Variants in XKR4 observed in about 807,000 individuals in gnomAD.
The protein encoded by XKR4 is XK-related protein 4.
Under a neutral mutation model 53.9 loss-of-function variants are expected in XKR4, and 12 were observed. The ratio of observed to expected loss-of-function variants is 0.22; its 90% CI spans 0.14 to 0.36. The LOEUF (loss-of-function observed/expected upper bound fraction) is 0.36, where lower values mean the gene tolerates loss of function less well. Ranked by LOEUF, XKR4 falls within the 10% of genes least tolerant of loss-of-function variation. The probability of loss-of-function intolerance (pLI) is 1.00; values close to 1 mark genes in which losing one functional copy is unlikely to be tolerated. For missense variants in XKR4, 799 were observed against 859.5 expected (o/e 0.93, Z 0.88); for synonymous variants, 354 against 362.4 (o/e 0.98, Z 0.26).
chr8:55,539,478 T>C lies in XKR4; in HGVS notation c.*15251T>C, dbSNP rs966708667. On this transcript the variant is annotated 3_prime_UTR_variant, in exon 3 of 3. Transcript: ENST00000327381. ...CTGGATTCTAAAATCTAATTGGCAGTGATATTTCAAAGCCTTAACATTTCA... is the reference window on the plus strand; with the variant it reads ...CTGGATTCTAAAATCTAATTGGCAGCGATATTTCAAAGCCTTAACATTTCA... 6.6e-6 allele frequency: 1 copy of C among 152,184 alleles called. No individual in the cohort carries two copies. The highest frequency in any genetic ancestry group is 2.4e-5 in the African/African-American group (1 of 41,430). The allele number at this position is 152,184 out of a possible 1,614,324, so 9.4% of individuals were successfully genotyped here. A position where few individuals can be genotyped will look rare whatever the true frequency, so the allele number is the denominator to read the frequency against.
intron 2 of XKR4, among the ~76,000 whole-genome samples, chr8:55,511,138 A>G (rs1363489791): frequency 6.6e-6 from 1 of 152,160 alleles, no homozygotes; most frequent in Non-Finnish European, 1.5e-5. Context: ...AGGGGGTGGG[A>G]CGCTGGAAAA....
At chr8:55,478,527 A>G (rs1806040855) in intron 2 of XKR4, among the ~76,000 whole-genome samples, 1 of 152,144 alleles carries the variant, frequency 6.6e-6, no homozygotes, top group African/African-American at 2.4e-5. Context: ...TCATAATGAC[A>G]GGACCAACTC....
intron 2 of XKR4, among the ~76,000 whole-genome samples, chr8:55,409,837 G>A (rs989592661): frequency 2.0e-5 from 3 of 152,162 alleles, no homozygotes; most frequent in African/African-American, 7.2e-5. Context: ...AAAGAACAGA[G>A]GGTAAGGAAA....
chr8:55,125,707 A>G (rs1037278359), intron 1 of XKR4, among the ~76,000 whole-genome samples: 2 of 151,516 alleles, frequency 1.3e-5, no homozygotes, highest in Admixed American at 1.3e-4. Context: ...TTACCAATTA[A>G]TAAGAAAAAA....
intron 2 of XKR4, among the ~76,000 whole-genome samples, chr8:55,383,352 G>T (rs7817893): frequency 0.099 from 15,129 of 152,244 alleles, 1,598 homozygotes; most frequent in African/African-American, 0.26. Context: ...TACATCCCAA[G>T]TCTCATGTGC....
At chr8:55,479,401 T>C (rs1411657727) in intron 2 of XKR4, among the ~76,000 whole-genome samples, 1 of 151,180 alleles carries the variant, frequency 6.6e-6, no homozygotes, top group African/African-American at 2.4e-5. Flanking sequence ...ATCAAAGCAG[T>C]GTGTAGAGGG....
intron 1 of XKR4, among the ~76,000 whole-genome samples, chr8:55,321,973 G>C (rs761747464): frequency 1.4e-4 from 20 of 147,438 alleles, no homozygotes; most frequent in Non-Finnish European, 2.7e-4. Flanking sequence ...TGGTGACAGA[G>C]CGAGACTCCA....
At chr8:55,158,818 T>C (rs1816943861) in intron 1 of XKR4, among the ~76,000 whole-genome samples, 1 of 152,200 alleles carries the variant, frequency 6.6e-6, no homozygotes. Context: ...CTGAGCTCTC[T>C]ATTCTGTTCC....
At chr8:55,452,796 T>C (rs542822376) in intron 2 of XKR4, 5 of 784,108 alleles carry the variant, frequency 6.4e-6, no homozygotes, top group South Asian at 2.7e-5. Context: ...AGCCATGCTG[T>C]TGGGGACCAG....
At chr8:55,364,339 C>T (rs1208260693) in intron 2 of XKR4, among the ~76,000 whole-genome samples, 1 of 152,242 alleles carries the variant, frequency 6.6e-6, no homozygotes, top group Non-Finnish European at 1.5e-5. Context: ...CCCGGGCCCA[C>T]CGCCTCAGCT....
At chr8:55,487,779 ATC>A (rs777770652) in intron 2 of XKR4, among the ~76,000 whole-genome samples, 6 of 152,120 alleles carry the variant, frequency 3.9e-5, no homozygotes, top group Non-Finnish European at 8.8e-5. Context: ...TTACTCCTTA[ATC>A]CAGTCAAAAT....
intron 1 of XKR4, among the ~76,000 whole-genome samples, chr8:55,189,163 A>C (rs1329209937): frequency 6.6e-6 from 1 of 152,098 alleles, no homozygotes; most frequent in African/African-American, 2.4e-5. Context: ...TGCCTGTTAA[A>C]TTTATTTTCA....
chr8:55,521,148 C>T (rs1436292343), intron 2 of XKR4, among the ~76,000 whole-genome samples: 1 of 152,242 alleles, frequency 6.6e-6, no homozygotes, highest in Admixed American at 6.5e-5. Context: ...AGAAACCCAG[C>T]TGGGCGCCGC....
intron 2 of XKR4, among the ~76,000 whole-genome samples, chr8:55,399,685 T>C (rs1461423179): frequency 6.6e-6 from 1 of 152,202 alleles, no homozygotes; most frequent in Admixed American, 6.5e-5. Flanking sequence ...CTCGTGCCAA[T>C]GCAGCCATTG....
At chr8:55,195,835 A>T (rs2129361564) in intron 1 of XKR4, among the ~76,000 whole-genome samples, 1 of 152,352 alleles carries the variant, frequency 6.6e-6, no homozygotes, top group African/African-American at 2.4e-5. Context: ...TGCCCATCAA[A>T]GCACCTAGAG....
At chr8:55,210,086 A>ATT (rs75698088) in intron 1 of XKR4, among the ~76,000 whole-genome samples, 1 of 141,798 alleles carries the variant, frequency 7.1e-6, no homozygotes. Context: ...CATCCTCTCC[A>ATT]TTTTTTTTTT....
intron 1 of XKR4, among the ~76,000 whole-genome samples, chr8:55,321,974 C>T (rs1288064421): frequency 2.2e-4 from 33 of 147,012 alleles, no homozygotes; most frequent in Admixed American, 6.9e-5. Flanking sequence ...GGTGACAGAG[C>T]GAGACTCCAT....
intron 1 of XKR4, among the ~76,000 whole-genome samples, chr8:55,145,466 A>G (rs1334584542): frequency 1.3e-5 from 2 of 152,126 alleles, no homozygotes; most frequent in African/African-American, 2.4e-5. Context: ...GAGGATTGCA[A>G]TGTTTTAGAT....
intron 1 of XKR4, among the ~76,000 whole-genome samples, chr8:55,244,536 A>C (rs1353473711): frequency 6.6e-6 from 1 of 152,156 alleles, no homozygotes; most frequent in Non-Finnish European, 1.5e-5. Context: ...ATACATGTGC[A>C]TGTGTCTTTA....
Sources: allele counts gnomAD v4.1 joint callset (sites outside exome capture counted in the v4.1 genomes callset), GRCh38; gene constraint gnomAD v4.1.1; transcripts MANE v1.5; gene names NCBI Gene and HGNC (gene_info 2026-07-23, HGNC 2026-07-21).